The following MEF2D variants were observed in gnomAD, a reference collection of about 807,000 sequenced individuals.
The protein encoded by MEF2D is myocyte enhancer factor 2D, also known as myocyte-specific enhancer factor 2D.
Under a neutral mutation model 59.3 loss-of-function variants are expected in MEF2D, and 10 were observed. The ratio of observed to expected loss-of-function variants is 0.17; its 90% CI spans 0.10 to 0.29. The LOEUF is 0.29. Among genes scored for constraint, MEF2D ranks in the 10% least tolerant of loss-of-function variants. MEF2D has a pLI of 1.00. For missense variants in MEF2D, 508 were observed against 699.4 expected (o/e 0.73, Z 3.09); for synonymous variants, 305 against 295.0 (o/e 1.03, Z -0.35).
intron 1 of MEF2D, among the ~76,000 whole-genome samples, chr1:156,497,411 TG>T (rs1222906646): frequency 6.6e-6 from 1 of 152,230 alleles, no homozygotes; most frequent in African/African-American, 2.4e-5. Context: ...GTCCCAGCCA[TG>T]GTCCCGTGGG....
chr1:156,485,781 T>C (rs186561522), intron 1 of MEF2D, among the ~76,000 whole-genome samples: 328 of 151,870 alleles, frequency 2.2e-3, no homozygotes, highest in Non-Finnish European at 2.6e-3. Flanking sequence ...GTGATCCTCC[T>C]ACCTCGGCCT....
At chr1:156,497,081 G>A (rs1032271712) in intron 1 of MEF2D, among the ~76,000 whole-genome samples, 1 of 152,184 alleles carries the variant, frequency 6.6e-6, no homozygotes, top group African/African-American at 2.4e-5. Flanking sequence ...CTTCCCCACT[G>A]GGAAGTTCTT....
At chr1:156,477,737 T>C (rs1162504009) in intron 6 of MEF2D, among the ~76,000 whole-genome samples, 2 of 152,152 alleles carry the variant, frequency 1.3e-5, no homozygotes, top group African/African-American at 2.4e-5. Context: ...TGCCGTGAGC[T>C]GGGGGTGGAT....
rs763802424 is a variant in MEF2D at position 156,482,514 on chromosome 1, C to T, written c.181G>A (p.Asp61Asn). The T allele has an allele frequency of 1.9e-6, 3 of 1,614,196 alleles. No individual in the cohort carries two copies. The highest frequency in any genetic ancestry group is 2.2e-5 in the South Asian group (2 of 91,088). Residue 61 changes from aspartate to asparagine, a missense_variant, in exon 3 of 12, where the codon GAC becomes AAC. Coordinates refer to ENST00000348159, the MANE Select transcript of MEF2D (RefSeq NM_005920.4). ...SNKLFQYAST[D>N]MDKVLLKYTE... ...TACTTGAGCAGCACCTTGTCCATGT[C>T]GGTGCTGGCGTACTGGAACAGCTTG...
At chr1:156,493,313 G>C (rs575460119) in intron 1 of MEF2D, among the ~76,000 whole-genome samples, 2 of 152,330 alleles carry the variant, frequency 1.3e-5, no homozygotes, top group East Asian at 3.9e-4. Flanking sequence ...ATCAGGGAAA[G>C]CAAATCCTCC....
Position 156,483,424 on chromosome 1 carries a change from C to A in MEF2D, c.-132G>T. ...CATGGTCTGCAGGATACCTTCTGCA[C>A]AGCCTCCTGGAAAGGGAGGGTCATG... On this transcript the variant is annotated 5_prime_UTR_variant, in exon 2 of 12. Coordinates refer to ENST00000348159, the MANE Select transcript of MEF2D (RefSeq NM_005920.4). 4.6e-6 allele frequency: 4 copies of A among 860,500 alleles called. No homozygotes were observed. Among genetic ancestry groups the A allele is most frequent in the Non-Finnish European group, 5.7e-6 (3 of 523,792 alleles). The allele number at this position is 860,500 out of a possible 1,614,324, so 53.3% of individuals were successfully genotyped here.
intron 1 of MEF2D, among the ~76,000 whole-genome samples, chr1:156,487,927 G>T (rs548380381): frequency 6.6e-6 from 1 of 152,250 alleles, no homozygotes; most frequent in African/African-American, 2.4e-5. Context: ...AGTATCTGGA[G>T]CCCAGGGCTT....
At chr1:156,485,128 T>C (rs944722921) in intron 1 of MEF2D, among the ~76,000 whole-genome samples, 2 of 152,112 alleles carry the variant, frequency 1.3e-5, no homozygotes, top group Non-Finnish European at 2.9e-5. Context: ...TCTAGGGATG[T>C]AGACCCCCAG....
intron 3 of MEF2D, 76 bp from the exon 4 acceptor site, chr1:156,481,047 C>T: frequency 1.9e-6 from 3 of 1,591,720 alleles, no homozygotes; most frequent in Non-Finnish European, 2.6e-6. Context: ...CCAGCCCCTC[C>T]CTAAGGGCCC....
intron 1 of MEF2D, among the ~76,000 whole-genome samples, chr1:156,490,817 T>C (rs1355176962): frequency 6.6e-6 from 1 of 152,194 alleles, no homozygotes; most frequent in African/African-American, 2.4e-5. Context: ...GCCCAGGAGA[T>C]GCCTCTCCAG....
chr1:156,463,888 T>C lies in MEF2D; in HGVS notation c.*3757A>G, dbSNP rs1006597551. On this transcript the variant is annotated 3_prime_UTR_variant, in exon 12 of 12. Coordinates refer to ENST00000348159, the MANE Select transcript of MEF2D (RefSeq NM_005920.4). ...CACCATACAGCACGAAAAGAAATAT[T>C]GAAAACAAATCAACAGCCTCACACT... The C allele has an allele frequency of 1.3e-5, 2 of 152,628 alleles. No individual in the cohort carries two copies. The highest frequency in any genetic ancestry group is 2.9e-5 in the Non-Finnish European group (2 of 68,048). The allele number at this position is 152,628 out of a possible 1,614,324, so 9.5% of individuals were successfully genotyped here. A position where few individuals can be genotyped will look rare whatever the true frequency, so the allele number is the denominator to read the frequency against.
At chr1:156,486,702 C>T (rs1672389645) in intron 1 of MEF2D, among the ~76,000 whole-genome samples, 1 of 152,206 alleles carries the variant, frequency 6.6e-6, no homozygotes, top group Admixed American at 6.5e-5. Context: ...TTGTGAATAA[C>T]TATGATTCTG....
chr1:156,471,421 G>A (rs1156240336), intron 9 of MEF2D, among the ~76,000 whole-genome samples: 3 of 152,164 alleles, frequency 2.0e-5, no homozygotes, highest in African/African-American at 4.8e-5. Context: ...GAGCCACCGC[G>A]CCCGGCCAGA....
At chr1:156,469,073 T>TC in intron 9 of MEF2D, 53 bp from the exon 10 acceptor site, 1 of 1,547,100 alleles carries the variant, frequency 6.5e-7, no homozygotes, top group Non-Finnish European at 8.8e-7. Context: ...GCACACAGGC[T>TC]CCTATGAGGG....
Position 156,482,431 on chromosome 1 carries a change from G to A in MEF2D, c.258+6C>T. ...TATATCCTGGTGCCTGTGTGTATGGGCCCACCTCGATGATGTCGGCGTTGG... is the reference window on the plus strand; with the variant it reads ...TATATCCTGGTGCCTGTGTGTATGGACCCACCTCGATGATGTCGGCGTTGG... On this transcript the variant is annotated splice_donor_region_variant and intron_variant, in intron 3 of 11. Coordinates refer to ENST00000348159, the MANE Select transcript of MEF2D (RefSeq NM_005920.4). 4.3e-6 allele frequency: 7 copies of A among 1,613,540 alleles called. No homozygotes were observed. Among genetic ancestry groups the A allele is most frequent in the Non-Finnish European group, 5.9e-6 (7 of 1,180,008 alleles).
intron 1 of MEF2D, among the ~76,000 whole-genome samples, chr1:156,491,918 C>G (rs965908977): frequency 1.3e-5 from 2 of 152,220 alleles, no homozygotes; most frequent in Non-Finnish European, 2.9e-5. Context: ...GCACCTCAGG[C>G]CTTTGTTCCC....
At position 156,467,509 on chromosome 1, in the gene MEF2D, A is replaced by G. The variant is rs907327387; in HGVS notation, c.*136T>C. The G allele has an allele frequency of 1.2e-5, 6 of 486,556 alleles. No individual in the cohort carries two copies. The highest frequency in any genetic ancestry group is 7.5e-5 in the Admixed American group (2 of 26,790). The allele number at this position is 486,556 out of a possible 1,614,324, so 30.1% of individuals were successfully genotyped here. A position where few individuals can be genotyped will look rare whatever the true frequency, so the allele number is the denominator to read the frequency against. ...AATAATAATATAATAATTATACACA[A>G]ATGTAACCGTCAACAGGACACGAAG... On this transcript the variant is annotated 3_prime_UTR_variant, in exon 12 of 12. Coordinates refer to ENST00000348159, the MANE Select transcript of MEF2D (RefSeq NM_005920.4).
chr1:156,494,391 G>T (rs1432398836), intron 1 of MEF2D, among the ~76,000 whole-genome samples: 1 of 152,150 alleles, frequency 6.6e-6, no homozygotes, highest in East Asian at 1.9e-4. Context: ...AATCACGAGG[G>T]ATAAGCAAGC....
chr1:156,498,965 C>G (rs976463995), intron 1 of MEF2D, among the ~76,000 whole-genome samples: 1 of 152,162 alleles, frequency 6.6e-6, no homozygotes, highest in Non-Finnish European at 1.5e-5. Flanking sequence ...AGTCCTGGGG[C>G]GGGTGTGACC....
Sources: gnomAD v4.1 joint callset for allele counts (sites outside exome capture counted in the v4.1 genomes callset) on GRCh38, gnomAD v4.1.1 for gene constraint, MANE v1.5 for transcripts, NCBI Gene and HGNC (gene_info 2026-07-23, HGNC 2026-07-21) for gene names.